Variants in RSPH14 observed in about 807,000 individuals in gnomAD.
The protein encoded by RSPH14 is rhabdoid tumor deletion region gene 1.
RSPH14 carries 20 observed loss-of-function variants against 26.7 expected under a neutral mutation model. The ratio of observed to expected loss-of-function variants is 0.75; its 90% confidence interval spans 0.53 to 1.09. The LOEUF (loss-of-function observed/expected upper bound fraction) is 1.09. RSPH14 is among the 50% of genes least tolerant of loss of function. The pLI, the probability that RSPH14 is intolerant of heterozygous loss-of-function variation, is 0.00. For missense variants in RSPH14, 449 were observed against 457.2 expected (o/e 0.98, Z 0.16); for synonymous variants, 177 against 189.3 (o/e 0.93, Z 0.53).
intron 4 of RSPH14, among the ~76,000 whole-genome samples, chr22:23,088,486 C>T (rs770249131): frequency 1.3e-5 from 2 of 152,310 alleles, no homozygotes; most frequent in African/African-American, 4.8e-5. Context: ...GGATAAAAGG[C>T]GTCTCAGCAA....
At chr22:23,081,446 C>A (rs2068674744) in intron 4 of RSPH14, among the ~76,000 whole-genome samples, 1 of 152,180 alleles carries the variant, frequency 6.6e-6, no homozygotes, top group Non-Finnish European at 1.5e-5. Context: ...AGTAGATCAG[C>A]CAGCCAGCAG....
At chr22:23,148,581 TAGTC>T (rs1269455882), upstream of RSPH14, among the ~76,000 whole-genome samples, 1 of 152,166 alleles carries the variant, frequency 6.6e-6, no homozygotes, top group African/African-American at 2.4e-5. Context: ...CTGCCCATAA[TAGTC>T]AGGGATCAAG....
At chr22:23,145,424 C>T (rs2070705971), upstream of RSPH14, 3 of 1,610,570 alleles carry the variant, frequency 1.9e-6, no homozygotes, top group Non-Finnish European at 2.5e-6. Context: ...CCAACGCAGA[C>T]CCCGCCCACG....
chr22:23,088,560 G>A (rs2068879267), intron 4 of RSPH14, among the ~76,000 whole-genome samples: 1 of 152,226 alleles, frequency 6.6e-6, no homozygotes, highest in African/African-American at 2.4e-5. Context: ...ATGCCAGGCA[G>A]CTCAGCCTCC....
At chr22:23,153,492 G>T in the RSPH14 span, 1 of 898,530 alleles carries the variant, frequency 1.1e-6, no homozygotes, top group Non-Finnish European at 1.3e-6. Context: ...GCCTCCCGCA[G>T]GTTGCTGCTG....
At chr22:23,145,533 G>C, upstream of RSPH14, 4 of 1,602,586 alleles carry the variant, frequency 2.5e-6, no homozygotes, top group Non-Finnish European at 3.4e-6. Context: ...CGGAGCCCCA[G>C]CTTTCACAGC....
chr22:23,135,713 G>A (rs1016983533), intron 3 of RSPH14, among the ~76,000 whole-genome samples: 4 of 152,074 alleles, frequency 2.6e-5, no homozygotes, highest in African/African-American at 9.7e-5. Context: ...GGTCCCACAT[G>A]GGGATTGATG....
Position 23,140,281 on chromosome 22 carries a change from A to AG in RSPH14, c.139dup (p.Leu47ProfsTer6). ...ATGCATGAGGTCACACAAGGCCATG[A>AG]GGGCTTTCTGCCTCGTCTGGAGGTC... On this transcript the variant is annotated frameshift_variant, in exon 2 of 7. Transcript: ENST00000216036. LOFTEE classifies it high-confidence loss of function. 6.2e-7 allele frequency: 1 copy of AG among 1,614,158 alleles called. No individual in the cohort carries two copies. Among genetic ancestry groups the AG allele is most frequent in the Non-Finnish European group, 8.5e-7 (1 of 1,180,024 alleles).
At chr22:23,130,313 G>A (rs1411993789) in intron 4 of RSPH14, among the ~76,000 whole-genome samples, 1 of 151,390 alleles carries the variant, frequency 6.6e-6, no homozygotes, top group Admixed American at 6.6e-5. Flanking sequence ...AAATCAGCCG[G>A]GCATGGTGGC....
the RSPH14 span, among the ~76,000 whole-genome samples, chr22:23,174,391 G>A: frequency 7.2e-5 from 11 of 151,934 alleles, no homozygotes; most frequent in African/African-American, 2.2e-4. Flanking sequence ...GTCACAGAGC[G>A]AGACCCCCAT....
At chr22:23,079,550 T>C (rs6003497) in intron 4 of RSPH14, among the ~76,000 whole-genome samples, 14,172 of 152,180 alleles carry the variant, frequency 0.093, 1,486 homozygotes, top group African/African-American at 0.25. Context: ...GGTCTGCCCA[T>C]GTCAAGCAAG....
chr22:23,106,517 C>T (rs1351588420), intron 4 of RSPH14, among the ~76,000 whole-genome samples: 2 of 152,208 alleles, frequency 1.3e-5, no homozygotes, highest in African/African-American at 4.8e-5. Context: ...GACTTGTGTC[C>T]ATCTGGACTG....
intron 4 of RSPH14, among the ~76,000 whole-genome samples, chr22:23,086,519 TCAGCCACCCGAG>T (rs2068824766): frequency 6.6e-6 from 1 of 152,190 alleles, no homozygotes; most frequent in African/African-American, 2.4e-5. Context: ...CCCAGTGGCC[TCAGCCACCCGAG>T]CAGGCACACT....
chr22:23,114,952 G>T (rs2069780738), intron 4 of RSPH14, among the ~76,000 whole-genome samples: 1 of 152,252 alleles, frequency 6.6e-6, no homozygotes, highest in African/African-American at 2.4e-5. Context: ...CATCTCAGAA[G>T]CTGGCAGGGC....
At chr22:23,157,734 C>G in the RSPH14 span, among the ~76,000 whole-genome samples, 1 of 152,220 alleles carries the variant, frequency 6.6e-6, no homozygotes, top group Non-Finnish European at 1.5e-5. Flanking sequence ...AAAGCCCATG[C>G]GCTCGCTCCA....
intron 4 of RSPH14, among the ~76,000 whole-genome samples, chr22:23,066,894 T>C (rs2068224908): frequency 6.6e-6 from 1 of 151,704 alleles, no homozygotes; most frequent in East Asian, 1.9e-4. Flanking sequence ...CCCCGGGAAG[T>C]GGGAAAACTA....
At chr22:23,122,455 G>A (rs2070058148) in intron 4 of RSPH14, 1 of 152,990 alleles carries the variant, frequency 6.5e-6, no homozygotes. Flanking sequence ...CCCACAGCTG[G>A]AGGGCAGGGG....
At chr22:23,067,314 G>A (rs1424362511) in intron 4 of RSPH14, among the ~76,000 whole-genome samples, 1 of 152,172 alleles carries the variant, frequency 6.6e-6, no homozygotes, top group African/African-American at 2.4e-5. Context: ...AGTGGGCTCA[G>A]TCACCACCAT....
At chr22:23,156,278 C>T in the RSPH14 span, 2 of 437,254 alleles carry the variant, frequency 4.6e-6, no homozygotes, top group South Asian at 4.8e-5. Context: ...GTCTCAGCCC[C>T]AGTTTCAGCT....
Sources: gnomAD v4.1 joint callset for allele counts (sites outside exome capture counted in the v4.1 genomes callset) on GRCh38, gnomAD v4.1.1 for gene constraint, MANE v1.5 for transcripts, NCBI Gene and HGNC (gene_info 2026-07-23, HGNC 2026-07-21) for gene names.